TAS2R1: variants seen among roughly 807,000 people sequenced by gnomAD.
TAS2R1 encodes the protein taste 2 receptor member 1.
For missense variants in TAS2R1, 370 were observed against 353.4 expected, an observed-to-expected ratio of 1.05 and a Z score of -0.38; for synonymous variants, 141 against 134.2, an observed-to-expected ratio of 1.05 and a Z score of -0.35.
chr5:9,733,649 G>A, the TAS2R1 span, among the ~76,000 whole-genome samples: 1 of 152,154 alleles, frequency 6.6e-6, no homozygotes, highest in East Asian at 1.9e-4. Flanking sequence ...AGAAATGGAA[G>A]CTTGAAGCTC....
the TAS2R1 span, among the ~76,000 whole-genome samples, chr5:9,886,513 T>C: frequency 6.6e-6 from 1 of 151,818 alleles, no homozygotes; most frequent in South Asian, 2.1e-4. Flanking sequence ...TTTGTATTTT[T>C]AGTAGAGACG....
the TAS2R1 span, among the ~76,000 whole-genome samples, chr5:9,771,810 T>A: frequency 6.6e-6 from 1 of 152,124 alleles, no homozygotes; most frequent in Non-Finnish European, 1.5e-5. Context: ...TTGCTCACAG[T>A]AGCCTCTAAT....
the TAS2R1 span, among the ~76,000 whole-genome samples, chr5:9,745,180 G>A: frequency 5.9e-5 from 9 of 152,150 alleles, no homozygotes; most frequent in African/African-American, 2.2e-4. Context: ...AAAAGTAGAT[G>A]AATTCTAGGA....
the TAS2R1 span, among the ~76,000 whole-genome samples, chr5:9,831,171 G>A: frequency 9.8e-5 from 15 of 152,302 alleles, no homozygotes; most frequent in African/African-American, 3.6e-4. Context: ...ACAGATTGCA[G>A]TTGGGACTGT....
At chr5:9,722,559 G>T in the TAS2R1 span, among the ~76,000 whole-genome samples, 1 of 152,188 alleles carries the variant, frequency 6.6e-6, no homozygotes, top group Non-Finnish European at 1.5e-5. Flanking sequence ...CTTAGAAAGT[G>T]AAATGCTAAG....
chr5:9,628,433 A>ACTC lies in TAS2R1; in HGVS notation c.*697_*699dup, dbSNP rs1739798259. 1.3e-5 allele frequency among the ~76,000 whole-genome samples: 2 copies of ACTC among 151,570 alleles called. No homozygotes were observed. The highest frequency in any genetic ancestry group is 6.6e-5 in the Admixed American group (1 of 15,206). On this transcript the variant is annotated 3_prime_UTR_variant, in exon 1 of 1. Transcript: ENST00000382492. ...ATGGAAAACAGGCATTCAGTCCTCT[A>ACTC]CTCCTCCTCCTCCTCCATCTGTCTT...
chr5:9,641,610 G>A (rs1239641895), intron 2 of TAS2R1: 1 of 152,234 alleles, frequency 6.6e-6, no homozygotes, highest in Non-Finnish European at 1.5e-5. Flanking sequence ...TCCTTTCAGT[G>A]CTGGGGTGAA....
chr5:9,677,223 T>C (rs1333377609), intron 1 of TAS2R1, among the ~76,000 whole-genome samples: 3 of 151,958 alleles, frequency 2.0e-5, no homozygotes, highest in African/African-American at 7.2e-5. Context: ...CATGGACACA[T>C]AGACCGGAAC....
intron 1 of TAS2R1, among the ~76,000 whole-genome samples, chr5:9,709,406 C>T (rs1034718851): frequency 1.3e-5 from 2 of 152,198 alleles, no homozygotes; most frequent in Admixed American, 1.3e-4. Context: ...TCAAATCTAC[C>T]CTCCATACCA....
the TAS2R1 span, among the ~76,000 whole-genome samples, chr5:9,894,468 A>C: frequency 6.6e-6 from 1 of 152,166 alleles, no homozygotes; most frequent in African/African-American, 2.4e-5. Flanking sequence ...ACACACACAC[A>C]CACAGAGGAA....
At chr5:9,728,025 G>A in the TAS2R1 span, among the ~76,000 whole-genome samples, 1 of 152,186 alleles carries the variant, frequency 6.6e-6, no homozygotes, top group Non-Finnish European at 1.5e-5. Context: ...GCAAAGAACA[G>A]AGATGCAACA....
chr5:9,783,393 G>A, the TAS2R1 span, among the ~76,000 whole-genome samples: 1 of 152,204 alleles, frequency 6.6e-6, no homozygotes, highest in East Asian at 1.9e-4. Context: ...CAATTGCAAG[G>A]CTGGCCTGGA....
chr5:9,751,981 C>A, the TAS2R1 span, among the ~76,000 whole-genome samples: 1 of 152,124 alleles, frequency 6.6e-6, no homozygotes, highest in South Asian at 2.1e-4. Context: ...TATCAACTTT[C>A]ATTTGAACAT....
At chr5:9,848,920 C>T in the TAS2R1 span, among the ~76,000 whole-genome samples, 2 of 152,264 alleles carry the variant, frequency 1.3e-5, no homozygotes, top group African/African-American at 4.8e-5. Flanking sequence ...TTCAGGAAAC[C>T]GTCCATGACA....
chr5:9,841,627 T>C, the TAS2R1 span, among the ~76,000 whole-genome samples: 966 of 152,360 alleles, frequency 6.3e-3, 9 homozygotes, highest in African/African-American at 0.021. Context: ...CAAAACATGA[T>C]GGGAAATGCA....
At chr5:9,741,579 T>C in the TAS2R1 span, among the ~76,000 whole-genome samples, 5 of 152,002 alleles carry the variant, frequency 3.3e-5, no homozygotes, top group African/African-American at 1.2e-4. Flanking sequence ...TAAAAATGAG[T>C]GGTTTTATCT....
chr5:9,629,695 G>C lies in TAS2R1; in HGVS notation c.338C>G (p.Pro113Arg), dbSNP rs1739831815. ...YCAKVASVRHPLFIWLKMRIS... is the reference protein window; with the variant it reads ...YCAKVASVRHRLFIWLKMRIS... ...CCTCATCTTCAACCAGATGAAGAGT[G>C]GGTGACGGACGCTGGCAACCTTGGC... Residue 113 changes from proline (P) to arginine (R), a missense_variant, in exon 1 of 1, where the codon CCA becomes CGA. By Grantham distance (103) the Pro-to-Arg change is moderately radical (BLOSUM62 -2). Coordinates refer to ENST00000382492, the MANE Select transcript of TAS2R1 (RefSeq NM_019599.3). 1 of 1,614,034 alleles carries C rather than the reference G, an allele frequency of 6.2e-7. No individual in the cohort carries two copies. Among genetic ancestry groups the C allele is most frequent in the Admixed American group, 1.7e-5 (1 of 59,996 alleles).
At chr5:9,649,279 A>T (rs1029938124) in intron 2 of TAS2R1, among the ~76,000 whole-genome samples, 1 of 152,224 alleles carries the variant, frequency 6.6e-6, no homozygotes, top group Non-Finnish European at 1.5e-5. Context: ...TAAGAGCTGT[A>T]TTCAAAGAAC....
the TAS2R1 span, among the ~76,000 whole-genome samples, chr5:9,817,000 A>C: frequency 6.6e-6 from 1 of 152,194 alleles, no homozygotes; most frequent in Non-Finnish European, 1.5e-5. Context: ...TTTTATAATA[A>C]AAATTTTAAT....
Sources: allele counts gnomAD v4.1 joint callset (sites outside exome capture counted in the v4.1 genomes callset), GRCh38; gene constraint gnomAD v4.1.1; transcripts MANE v1.5; gene names NCBI Gene and HGNC (gene_info 2026-07-23, HGNC 2026-07-21).